Variants in RFTN1 observed in about 807,000 individuals in gnomAD.
The protein encoded by RFTN1 is raftlin.
Under a neutral mutation model 46.5 loss-of-function variants are expected in RFTN1, and 26 were observed. The observed-to-expected ratio is 0.56, with a 90% CI of 0.41 to 0.78. The LOEUF (loss-of-function observed/expected upper bound fraction) is 0.78. RFTN1 is among the 30% of genes least tolerant of loss of function. The probability of loss-of-function intolerance (pLI) is 0.00; values close to 1 mark genes in which losing one functional copy is unlikely to be tolerated. For synonymous variants in RFTN1, 261 were observed against 284.2 expected, an observed-to-expected ratio of 0.92 and a Z score of 0.82; for missense variants, 693 against 718.7, an observed-to-expected ratio of 0.96 and a Z score of 0.41.
At chr3:16,510,237 T>A (rs2125017015) in intron 1 of RFTN1, among the ~76,000 whole-genome samples, 1 of 152,330 alleles carries the variant, frequency 6.6e-6, no homozygotes, top group East Asian at 1.9e-4. Flanking sequence ...AGTAGCCGGC[T>A]GACCAAGCCG....
At chr3:16,439,663 C>A (rs2075583278) in intron 2 of RFTN1, among the ~76,000 whole-genome samples, 1 of 152,040 alleles carries the variant, frequency 6.6e-6, no homozygotes, top group African/African-American at 2.4e-5. Flanking sequence ...GAAGGAACAC[C>A]CACATGGCAT....
In RFTN1 at chr3:16,380,508, A is replaced by G. The variant is rs1301131761; in HGVS notation, c.442-2406T>C. ...CACAGACACCTGCCCTTCTCCCACA[A>G]CAAACCAGACAACCATATTCCTTTG... On this transcript the variant is annotated intron_variant, in intron 4 of 9. Transcript: ENST00000334133. The surrounding 1 kb of genome is among the most constrained non-coding windows in gnomAD (Gnocchi z 4.8). Among the ~76,000 whole-genome samples, 1 of 152,142 alleles carries G rather than the reference A, an allele frequency of 6.6e-6. No homozygotes were observed. The highest frequency in any genetic ancestry group is 6.5e-5 in the Admixed American group (1 of 15,282).
Position 16,424,486 on chromosome 3 carries a change from C to T in RFTN1, c.332+9365G>A, listed in dbSNP as rs967186581. Among the ~76,000 whole-genome samples, 15 of 151,968 alleles carry T rather than the reference C, an allele frequency of 9.9e-5. No homozygotes were observed. Among genetic ancestry groups the T allele is most frequent in the African/African-American group, 3.4e-4 (14 of 41,374 alleles). ...ACATAATGAGAATTAATTATAATAC[C>T]GAAAACATACAGGAACAAAGCAAAG... On this transcript the variant is annotated intron_variant, in intron 3 of 9. Transcript: ENST00000334133. The surrounding 1 kb of genome is among the most constrained non-coding windows in gnomAD (Gnocchi z 4.7).
intron 4 of RFTN1, among the ~76,000 whole-genome samples, chr3:16,408,280 C>T (rs555839245): frequency 2.0e-4 from 31 of 152,300 alleles, no homozygotes; most frequent in Admixed American, 1.5e-3. Flanking sequence ...CCTTCCGGAT[C>T]CCCTTGCTCC....
In RFTN1 at chr3:16,374,230, A is replaced by G. The variant is rs532255754; in HGVS notation, c.826+3488T>C. ...GAAATCACAAGCCAGTAAGTGGCAC[A>G]GCCAAGAGTCTTTCAAACCCCAAAC... On this transcript the variant is annotated intron_variant, in intron 5 of 9. Transcript: ENST00000334133. The surrounding 1 kb of genome is among the most constrained non-coding windows in gnomAD (Gnocchi z 5.4). 4.6e-5 allele frequency among the ~76,000 whole-genome samples: 7 copies of G among 152,366 alleles called. No homozygotes were observed. The South Asian group carries it at 1.4e-3, about 32-fold the overall frequency.
At chr3:16,492,751 CT>C (rs2076559173) in intron 2 of RFTN1, among the ~76,000 whole-genome samples, 1 of 152,148 alleles carries the variant, frequency 6.6e-6, no homozygotes, top group African/African-American at 2.4e-5. Flanking sequence ...CAATTAAAAC[CT>C]GTGGAGTTCT....
At position 16,450,856 on chromosome 3, in the gene RFTN1, C is replaced by T. The variant is rs1424448350; in HGVS notation, c.146-16819G>A. On this transcript the variant is annotated intron_variant, in intron 2 of 9. Coordinates refer to ENST00000334133, the MANE Select transcript of RFTN1 (RefSeq NM_015150.2). This position sits in a 1 kb window ranked among gnomAD's most constrained non-coding sequence, Gnocchi z 4.6. The stretch of plus-strand genomic sequence containing the variant: ...TGAGGGAGAGGGATGGCAAAGACAG[C>T]TCCTAGGTCTCTGGTTTGCATGGAC... Among the ~76,000 whole-genome samples, 1 of 151,982 alleles carries T rather than the reference C, an allele frequency of 6.6e-6. No individual in the cohort carries two copies. The highest frequency in any genetic ancestry group is 2.4e-5 in the African/African-American group (1 of 41,366).
Position 16,405,032 on chromosome 3 carries a change from A to G in RFTN1, c.441+4343T>C, listed in dbSNP as rs558145154. On this transcript the variant is annotated intron_variant, in intron 4 of 9. Coordinates refer to ENST00000334133, the MANE Select transcript of RFTN1 (RefSeq NM_015150.2). ...ACTGAAAACTTCAAAGTGCTCTCCAAACTGTAGACCTTTCCCATAGACGCT... is the reference window on the plus strand; with the variant it reads ...ACTGAAAACTTCAAAGTGCTCTCCAGACTGTAGACCTTTCCCATAGACGCT... Among the ~76,000 whole-genome samples, 13 of 152,224 alleles carry G rather than the reference A, an allele frequency of 8.5e-5. No homozygotes were observed. The East Asian group carries it at 2.5e-3, about 29-fold the overall frequency.
rs774521820 is a variant in RFTN1 at position 16,341,361 on chromosome 3, T to C, written c.1147-14485A>G. On this transcript the variant is annotated intron_variant, in intron 7 of 9. Transcript: ENST00000334133. This position sits in a 1 kb window ranked among gnomAD's most constrained non-coding sequence, Gnocchi z 4.7. ...ACACAGAAACCTACACATGGCTGTT[T>C]ATAGCAGCTTTATTCATAATTGCTA... 6.6e-5 allele frequency among the ~76,000 whole-genome samples: 10 copies of C among 152,266 alleles called. No homozygotes were observed. The highest frequency in any genetic ancestry group is 2.0e-4 in the Admixed American group (3 of 15,290).
At position 16,429,990 on chromosome 3, in the gene RFTN1, T is replaced by C. The variant is rs1486381494; in HGVS notation, c.332+3861A>G. 1.3e-5 allele frequency among the ~76,000 whole-genome samples: 2 copies of C among 152,256 alleles called. No individual in the cohort carries two copies. The highest frequency in any genetic ancestry group is 2.9e-5 in the Non-Finnish European group (2 of 68,044). On this transcript the variant is annotated intron_variant, in intron 3 of 9. Transcript: ENST00000334133. This position sits in a 1 kb window ranked among gnomAD's most constrained non-coding sequence, Gnocchi z 6.4. The stretch of plus-strand genomic sequence containing the variant: ...ACAGCATCTATAACTGTCAGAACTT[T>C]GGCAGACTTTGTGAAAAGTATCACT...
Position 16,345,868 on chromosome 3 carries a change from TC to T in RFTN1, c.1146+12063del, listed in dbSNP as rs909597006. The T allele has an allele frequency of 2.0e-5, 3 of 150,132 alleles. No homozygotes were observed. Among genetic ancestry groups the T allele is most frequent in the African/African-American group, 7.4e-5 (3 of 40,780 alleles). 9.3% of individuals were successfully genotyped at this position (150,132 alleles called of 1,614,324 possible). A position where few individuals can be genotyped will look rare whatever the true frequency, so the allele number is the denominator to read the frequency against. On this transcript the variant is annotated intron_variant, in intron 7 of 9. Coordinates refer to ENST00000334133, the MANE Select transcript of RFTN1 (RefSeq NM_015150.2). This position sits in a 1 kb window ranked among gnomAD's most constrained non-coding sequence, Gnocchi z 5.2. The stretch of plus-strand genomic sequence containing the variant: ...CATGTGCATGTGTATGTGTATAATC[TC>T]CTACTGGTTCTGTTTTACTGGAGAA...
rs1401535982 is a variant in RFTN1 at position 16,452,869 on chromosome 3, G to A, written c.146-18832C>T. 5.9e-5 allele frequency among the ~76,000 whole-genome samples: 9 copies of A among 152,194 alleles called. No individual in the cohort carries two copies. The highest frequency in any genetic ancestry group is 1.2e-4 in the Non-Finnish European group (8 of 68,032). On this transcript the variant is annotated intron_variant, in intron 2 of 9. Transcript: ENST00000334133. The surrounding 1 kb of genome is among the most constrained non-coding windows in gnomAD (Gnocchi z 6.3). ...GCACTTAGTGTTTCAGAATTTAAAT[G>A]CTGCTTTTTAATCTCCTTTTTTGAG...
At chr3:16,397,249 G>T (rs986649433) in intron 4 of RFTN1, among the ~76,000 whole-genome samples, 2 of 151,854 alleles carry the variant, frequency 1.3e-5, no homozygotes, top group African/African-American at 2.4e-5. Flanking sequence ...AGGCAGACAC[G>T]AAATGAAAAA....
chr3:16,434,095 G>A (rs1406519874), intron 2 of RFTN1, 58 bp from the exon 3 acceptor site: 3 of 1,423,704 alleles, frequency 2.1e-6, no homozygotes, highest in South Asian at 2.8e-5. Context: ...ACTCAGCCCT[G>A]CCCAAACCCC....
In RFTN1 at chr3:16,443,729, CAT is replaced by C. The variant is rs1346045129; in HGVS notation, c.146-9694_146-9693del. Among the ~76,000 whole-genome samples, 2 of 150,704 alleles carry C rather than the reference CAT, an allele frequency of 1.3e-5. No homozygotes were observed. The highest frequency in any genetic ancestry group is 2.1e-4 in the South Asian group (1 of 4,792). ...TTGCTCGTCATTTCAGAGAATCACACATAGTCAATGAATTACACACAACACAC... is the reference window on the plus strand; with the variant it reads ...TTGCTCGTCATTTCAGAGAATCACACAGTCAATGAATTACACACAACACAC... On this transcript the variant is annotated intron_variant, in intron 2 of 9. Coordinates refer to ENST00000334133, the MANE Select transcript of RFTN1 (RefSeq NM_015150.2). The surrounding 1 kb of genome is among the most constrained non-coding windows in gnomAD (Gnocchi z 5.5).
chr3:16,433,050 C>T lies in RFTN1; in HGVS notation c.332+801G>A, dbSNP rs1241143125. ...CTCCCTTTTTAAAATGTGGCACATG[C>T]TGTCATTCCTTCTATGATAGTTGGC... On this transcript the variant is annotated intron_variant, in intron 3 of 9. Coordinates refer to ENST00000334133, the MANE Select transcript of RFTN1 (RefSeq NM_015150.2). This position sits in a 1 kb window ranked among gnomAD's most constrained non-coding sequence, Gnocchi z 4.4. Among the ~76,000 whole-genome samples, 1 of 152,176 alleles carries T rather than the reference C, an allele frequency of 6.6e-6. No homozygotes were observed. The highest frequency in any genetic ancestry group is 1.5e-5 in the Non-Finnish European group (1 of 68,022).
intron 7 of RFTN1, among the ~76,000 whole-genome samples, chr3:16,340,479 T>TTGCC (rs1024937222): frequency 6.6e-6 from 1 of 152,254 alleles, no homozygotes; most frequent in African/African-American, 2.4e-5. Context: ...ATCAGCAAGG[T>TTGCC]TGCCCTATGG....
chr3:16,340,366 GT>G (rs2071239367), intron 7 of RFTN1, among the ~76,000 whole-genome samples: 1 of 152,214 alleles, frequency 6.6e-6, no homozygotes, highest in African/African-American at 2.4e-5. Flanking sequence ...CTTACTGAAT[GT>G]TAAGATACAC....
rs1481158367 is a variant in RFTN1 at position 16,465,662 on chromosome 3, A to G, written c.145+28063T>C. Among the ~76,000 whole-genome samples, 1 of 152,182 alleles carries G rather than the reference A, an allele frequency of 6.6e-6. No individual in the cohort carries two copies. The highest frequency in any genetic ancestry group is 1.5e-5 in the Non-Finnish European group (1 of 68,036). ...GTCAATTACGGATGCTAAAAATTTC[A>G]GAATTATAAGATCACCAAAATTATC... is the stretch of plus-strand genomic sequence containing the variant. On this transcript the variant is annotated intron_variant, in intron 2 of 9. Coordinates refer to ENST00000334133, the MANE Select transcript of RFTN1 (RefSeq NM_015150.2). This position sits in a 1 kb window ranked among gnomAD's most constrained non-coding sequence, Gnocchi z 5.1.
Sources: allele counts gnomAD v4.1 joint callset (sites outside exome capture counted in the v4.1 genomes callset), GRCh38; gene constraint gnomAD v4.1.1; non-coding constraint Gnocchi (gnomAD v3.1); transcripts MANE v1.5; gene names NCBI Gene and HGNC (gene_info 2026-07-23, HGNC 2026-07-21).